The following MACF1 variants were observed in gnomAD, a reference collection of about 807,000 sequenced individuals.
The protein encoded by MACF1 is microtubule-actin cross-linking factor 1.
Under a neutral mutation model 854.8 loss-of-function variants are expected in MACF1, and 193 were observed. The observed-to-expected ratio is 0.23, with a 90% CI of 0.20 to 0.25. The LOEUF is 0.25. Among genes scored for constraint, MACF1 ranks in the 10% least tolerant of loss-of-function variants. The pLI is 1.00. For missense variants in MACF1, 7,722 were observed against 8,929.1 expected (o/e 0.86, Z 5.45); for synonymous variants, 3,185 against 3,226.7 (o/e 0.99, Z 0.44).
intron 20 of MACF1, among the ~76,000 whole-genome samples, chr1:39,296,776 G>A (rs201077733): frequency 2.5e-5 from 2 of 81,374 alleles, no homozygotes; most frequent in Admixed American, 1.3e-4. Flanking sequence ...GGAAGGAAAA[G>A]AAAGAAAGAA....
At chr1:39,357,941 T>G in intron 45 of MACF1, 48 bp downstream of exon 45, 2 of 1,553,424 alleles carry the variant, frequency 1.3e-6, no homozygotes, top group East Asian at 4.5e-5. Context: ...CATGGCAGCC[T>G]TCACACAATG....
chr1:39,221,151 A>G (rs2148290608), intron 1 of MACF1, among the ~76,000 whole-genome samples: 1 of 152,250 alleles, frequency 6.6e-6, no homozygotes, highest in South Asian at 2.1e-4. Flanking sequence ...GGGAGAGTGA[A>G]AGGTAGATAG....
intron 96 of MACF1, 43 bp from the exon 97 acceptor site, chr1:39,469,504 C>T: frequency 1.4e-6 from 2 of 1,454,276 alleles, no homozygotes; most frequent in Non-Finnish European, 1.9e-6. Context: ...TCTGCGTTTC[C>T]TGCCCTGTCT....
intron 6 of MACF1, among the ~76,000 whole-genome samples, chr1:39,281,772 T>C (rs573506196): frequency 5.1e-4 from 77 of 152,382 alleles, no homozygotes; most frequent in African/African-American, 1.5e-3. Flanking sequence ...TTATAACTTT[T>C]TGCTAAGTCA....
At chr1:39,464,631 G>A (rs1432479222) in intron 94 of MACF1, 3 of 159,294 alleles carry the variant, frequency 1.9e-5, no homozygotes, top group African/African-American at 7.2e-5. Context: ...TCCCTGGCCG[G>A]GCGTGGTGGC....
intron 2 of MACF1, among the ~76,000 whole-genome samples, chr1:39,170,243 T>C (rs1643929935): frequency 6.6e-6 from 1 of 152,204 alleles, no homozygotes; most frequent in African/African-American, 2.4e-5. Flanking sequence ...GCTAGTTTTA[T>C]CTATCTATTG....
At chr1:39,371,893 A>G (rs1649283421) in intron 51 of MACF1, among the ~76,000 whole-genome samples, 1 of 150,942 alleles carries the variant, frequency 6.6e-6, no homozygotes. Context: ...GGCTCACTGC[A>G]ACCTCTGCCT....
intron 1 of MACF1, among the ~76,000 whole-genome samples, chr1:39,206,146 T>C (rs1644447720): frequency 6.6e-6 from 1 of 152,228 alleles, no homozygotes; most frequent in Admixed American, 6.5e-5. Flanking sequence ...ATTCAATCAT[T>C]CCCCAGTGTC....
chr1:39,432,552 T>C lies in MACF1; in HGVS notation c.17355T>C (p.Asp5785=), dbSNP rs1643893130. The C allele has an allele frequency of 5.0e-6, 8 of 1,614,128 alleles. No homozygotes were observed. The highest frequency in any genetic ancestry group is 1.7e-5 in the Admixed American group (1 of 60,012). The change falls in exon 67 of 101, where the codon GAT becomes GAC. Residue 5785 remains aspartate (D), a synonymous_variant. Coordinates refer to ENST00000564288, the MANE Select transcript of MACF1 (RefSeq NM_001394062.1). The part of the protein sequence containing the change: ...QRSQQYEQAA[D]AELAWVAETK... Reference sequence around the variant, plus strand: ...TCTATTAGTATGAGCAAGCTGCCGATGCAGAACTAGCTTGGGTTGCTGAAA... The same window carrying C: ...TCTATTAGTATGAGCAAGCTGCCGACGCAGAACTAGCTTGGGTTGCTGAAA...
intron 4 of MACF1, among the ~76,000 whole-genome samples, chr1:39,253,510 T>TA (rs1491142828): frequency 5.0e-5 from 1 of 19,902 alleles, no homozygotes; most frequent in Non-Finnish European, 1.8e-4. Context: ...GCTATCTGTA[T>TA]TTTTTTTTTT....
chr1:39,381,917 TGTAAA>T (rs1557621276), intron 55 of MACF1, 31 bp from the exon 56 acceptor site: 1 of 1,477,752 alleles, frequency 6.8e-7, no homozygotes, highest in Non-Finnish European at 9.5e-7. Flanking sequence ...TTGTTGATAA[TGTAAA>T]GGAATACATT....
chr1:39,260,172 C>CT (rs1383100240), intron 6 of MACF1, among the ~76,000 whole-genome samples: 1 of 152,108 alleles, frequency 6.6e-6, no homozygotes, highest in Non-Finnish European at 1.5e-5. Flanking sequence ...CAAGTTGACT[C>CT]TGAGTCCTTT....
intron 68 of MACF1, among the ~76,000 whole-genome samples, chr1:39,433,977 A>C (rs1357341227): frequency 1.3e-5 from 2 of 152,072 alleles, no homozygotes; most frequent in African/African-American, 4.8e-5. Context: ...CTACTTGGGA[A>C]GCTGAGGCAG....
At chr1:39,394,181 G>A (rs1303537393) in intron 58 of MACF1, among the ~76,000 whole-genome samples, 1 of 152,170 alleles carries the variant, frequency 6.6e-6, no homozygotes, top group Non-Finnish European at 1.5e-5. Context: ...AGTTTCTACC[G>A]GGGGACCTAG....
chr1:39,317,464 A>C, intron 29 of MACF1, 57 bp downstream of exon 29: 1 of 1,544,390 alleles, frequency 6.5e-7, no homozygotes, highest in East Asian at 2.3e-5. Context: ...GGTCTTAAAC[A>C]AAAACAGAGT....
chr1:39,481,270 A>G (rs1031332224), intron 99 of MACF1, among the ~76,000 whole-genome samples: 1 of 152,156 alleles, frequency 6.6e-6, no homozygotes, highest in Non-Finnish European at 1.5e-5. Context: ...CTTGAGAATG[A>G]TATTTGCTGA....
intron 58 of MACF1, among the ~76,000 whole-genome samples, chr1:39,393,420 T>C (rs1394161518): frequency 6.6e-6 from 1 of 151,850 alleles, no homozygotes; most frequent in Non-Finnish European, 1.5e-5. Flanking sequence ...TCAAGAAACC[T>C]GGATGCACCT....
chr1:39,482,930 A>G (rs1047535977), intron 99 of MACF1, among the ~76,000 whole-genome samples: 5 of 151,668 alleles, frequency 3.3e-5, no homozygotes, highest in Non-Finnish European at 7.4e-5. Context: ...CCTGGGCAAC[A>G]TGGAGAAACC....
intron 2 of MACF1, among the ~76,000 whole-genome samples, chr1:39,169,773 C>CTTTT (rs11335031): frequency 2.7e-4 from 26 of 97,486 alleles, no homozygotes; most frequent in Non-Finnish European, 4.2e-4. Context: ...TTCTTTCTTT[C>CTTTT]TTTTTTTTTT....
Sources: gnomAD v4.1 joint callset for allele counts (sites outside exome capture counted in the v4.1 genomes callset) on GRCh38, gnomAD v4.1.1 for gene constraint, MANE v1.5 for transcripts, NCBI Gene and HGNC (gene_info 2026-07-23, HGNC 2026-07-21) for gene names.